GGCT: variants seen among roughly 807,000 people sequenced by gnomAD.
GGCT encodes cytochrome c-releasing factor 21.
In GGCT, 20 loss-of-function variants were observed where a neutral mutation model predicts 22.1. The ratio of observed to expected loss-of-function variants is 0.91; its 90% CI spans 0.64 to 1.32. The LOEUF (loss-of-function observed/expected upper bound fraction) is 1.32, where lower values mean the gene tolerates loss of function less well. Among genes scored for constraint, GGCT ranks in the 40% most tolerant of loss-of-function variants. The pLI, the probability that GGCT is intolerant of heterozygous loss-of-function variation, is 0.00. For missense variants in GGCT, 209 were observed against 223.5 expected, an observed-to-expected ratio of 0.94 and a Z score of 0.41; for synonymous variants, 72 against 78.4, an observed-to-expected ratio of 0.92 and a Z score of 0.43.
chr7:30,503,057 T>C (rs1189086715), intron 1 of GGCT, among the ~76,000 whole-genome samples: 1 of 152,176 alleles, frequency 6.6e-6, no homozygotes, highest in East Asian at 1.9e-4. Context: ...TCCTCTTTCT[T>C]CAGGTCCTTT....
chr7:30,501,419 C>T (rs890459922), intron 1 of GGCT, among the ~76,000 whole-genome samples: 9 of 152,140 alleles, frequency 5.9e-5, no homozygotes, highest in Non-Finnish European at 1.3e-4. Flanking sequence ...AATTATGGAC[C>T]ATTCCGTTTT....
chr7:30,497,228 C>G lies in GGCT; in HGVS notation c.431G>C (p.Cys144Ser). Reference sequence around the variant, plus strand: ...CAAACCATTTTCTTTTGCACCCATGCAAATAATCTGGAAATGGTTAAAACA... The same window carrying G: ...CAAACCATTTTCTTTTGCACCCATGGAAATAATCTGGAAATGGTTAAAACA... ...PPSPQYKKII[C>S]MGAKENGLPL... is the part of the protein sequence containing the mutation. The change falls in exon 4 of 4, where the codon TGC becomes TCC. Residue 144 changes from cysteine (C) to serine (S), a missense_variant. Transcript: ENST00000275428. The G allele has an allele frequency of 6.3e-7, 1 of 1,598,822 alleles. No homozygotes were observed. The highest frequency in any genetic ancestry group is 1.8e-5 in the Admixed American group (1 of 56,442).
intron 1 of GGCT, among the ~76,000 whole-genome samples, chr7:30,502,018 G>T (rs1789714438): frequency 6.6e-6 from 1 of 152,174 alleles, no homozygotes; most frequent in Non-Finnish European, 1.5e-5. Context: ...CTTCTCAGCG[G>T]AACATAGGTA....
rs73083629 is a variant in GGCT, at chr7:30,503,429, C to T, written c.141+1140G>A. Among the ~76,000 whole-genome samples the T allele has an allele frequency of 4.4e-3, 674 of 152,278 alleles. 4 individuals are homozygous for T. The highest frequency in any genetic ancestry group is 5.9e-3 in the Non-Finnish European group (400 of 68,024). ...GTTCTCTCAGTTTTGCTTAAAATCA[C>T]GGCATGGGTACGTGGCCAAAACTTA... On this transcript the variant is annotated intron_variant, in intron 1 of 3. Transcript: ENST00000275428.
At position 30,504,554 on chromosome 7, in the gene GGCT, G is replaced by C. The variant is rs1562744050; in HGVS notation, c.141+15C>G. ...TCCCGGCCCCGGCGTGGGTAGCGCG[G>C]GAGGGGGCACTCACCTGCAGGCGGG... On this transcript the variant is annotated intron_variant, in intron 1 of 3. Transcript: ENST00000275428. The C allele has an allele frequency of 6.2e-7, 1 of 1,612,988 alleles. No individual in the cohort carries two copies. Among genetic ancestry groups the C allele is most frequent in the African/African-American group, 1.3e-5 (1 of 75,080 alleles).
At chr7:30,502,620 G>A (rs1046314214) in intron 1 of GGCT, among the ~76,000 whole-genome samples, 3 of 152,082 alleles carry the variant, frequency 2.0e-5, no homozygotes, top group South Asian at 2.1e-4. Context: ...CTCCCAAGCC[G>A]GATTTTCCTC....
chr7:30,497,664 T>G (rs554573697), intron 3 of GGCT: 4 of 781,604 alleles, frequency 5.1e-6, no homozygotes, highest in Admixed American at 4.1e-5. Flanking sequence ...TTAGCGGTAC[T>G]TTCATAATCT....
intron 3 of GGCT, 93 bp from the exon 4 acceptor site, chr7:30,497,328 G>A: frequency 1.2e-6 from 1 of 840,878 alleles, no homozygotes. Context: ...CCTTCTCAAA[G>A]TATGAAGTAT....
In GGCT at chr7:30,497,173, T is replaced by G; in HGVS notation, c.486A>C (p.Ala162=). The change falls in exon 4 of 4, where the codon GCA becomes GCC. Residue 162 remains alanine, a synonymous_variant. Transcript: ENST00000275428. ...LPLEYQEKLK[A]IEPNDYTGKV... is the part of the protein sequence containing the mutation. Reference sequence around the variant, plus strand: ...TTCCTGTATAGTCATTTGGTTCTATTGCTTTTAACTTCTCTTGATACTCCA... The same window carrying G: ...TTCCTGTATAGTCATTTGGTTCTATGGCTTTTAACTTCTCTTGATACTCCA... The G allele has an allele frequency of 6.2e-7, 1 of 1,611,272 alleles. No homozygotes were observed. Among genetic ancestry groups the G allele is most frequent in the Middle Eastern group, 1.7e-4 (1 of 6,040 alleles).
intron 2 of GGCT, among the ~76,000 whole-genome samples, chr7:30,499,751 G>A (rs1789655213): frequency 6.7e-6 from 1 of 150,372 alleles, no homozygotes; most frequent in East Asian, 1.9e-4. Context: ...ATTTCAATTA[G>A]AAGGCCTGAG....
At chr7:30,500,754 T>C (rs1789681851) in intron 1 of GGCT, 73 bp from the exon 2 acceptor site, 2 of 1,276,562 alleles carry the variant, frequency 1.6e-6, no homozygotes, top group Non-Finnish European at 2.2e-6. Flanking sequence ...ATAAAAAGGA[T>C]TTACCTTGAA....
At chr7:30,499,696 G>A (rs1789652187) in intron 2 of GGCT, among the ~76,000 whole-genome samples, 1 of 151,408 alleles carries the variant, frequency 6.6e-6, no homozygotes, top group African/African-American at 2.4e-5. Context: ...TGGGCAACAA[G>A]AGCGAGACTC....
intron 2 of GGCT, 46 bp downstream of exon 2, chr7:30,500,490 C>T: frequency 6.7e-7 from 1 of 1,503,354 alleles, no homozygotes; most frequent in South Asian, 1.1e-5. Context: ...ATACAATCTG[C>T]TTTCTGAATT....
chr7:30,503,841 A>G (rs1214037699), intron 1 of GGCT, among the ~76,000 whole-genome samples: 2 of 138,524 alleles, frequency 1.4e-5, no homozygotes, highest in Non-Finnish European at 3.0e-5. Flanking sequence ...GCTTGCAACT[A>G]AGAACTCACG....
intron 1 of GGCT, 136 bp downstream of exon 1, chr7:30,504,433 A>T: frequency 9.9e-7 from 1 of 1,008,320 alleles, no homozygotes; most frequent in Non-Finnish European, 1.4e-6. Context: ...GGACCCGCCC[A>T]GGAGGCGGAA....
At position 30,500,637 on chromosome 7, in the gene GGCT, T is replaced by G; in HGVS notation, c.186A>C (p.Gln62His). 16 of 1,613,954 alleles carry G rather than the reference T, an allele frequency of 9.9e-6. No individual in the cohort carries two copies. Among genetic ancestry groups the G allele is most frequent in the Non-Finnish European group, 1.4e-5 (16 of 1,179,852 alleles). ...TGGTGGCTATCCCTCCATGCCAAGT[T>G]TGACTTGTTTTGCCTTGGGAATTGC... ...DFGNSQGKTS[Q>H]TWHGGIATIF... Residue 62 changes from glutamine to histidine, a missense_variant, in exon 2 of 4, where the codon CAA becomes CAC. Coordinates refer to ENST00000275428, the MANE Select transcript of GGCT (RefSeq NM_024051.4).
At chr7:30,504,335 G>C (rs1397445662) in intron 1 of GGCT, among the ~76,000 whole-genome samples, 1 of 152,272 alleles carries the variant, frequency 6.6e-6, no homozygotes, top group Non-Finnish European at 1.5e-5. Flanking sequence ...AGCAGCCGGT[G>C]CAAAGGCCAG....
chr7:30,497,853 G>T, intron 3 of GGCT: 1 of 1,446,478 alleles, frequency 6.9e-7, no homozygotes. Context: ...TTGCAAGGGT[G>T]ATTTCCCTGA....
At chr7:30,499,356 G>A (rs372900914) in intron 2 of GGCT, among the ~76,000 whole-genome samples, 4 of 150,794 alleles carry the variant, frequency 2.7e-5, no homozygotes, top group Admixed American at 6.6e-5. Context: ...GCAGTGAGCC[G>A]AGATTGCACT....
Sources: gnomAD v4.1 joint callset for allele counts (sites outside exome capture counted in the v4.1 genomes callset) on GRCh38, gnomAD v4.1.1 for gene constraint, MANE v1.5 for transcripts, NCBI Gene and HGNC (gene_info 2026-07-23, HGNC 2026-07-21) for gene names.